MKNK1: variants seen among roughly 807,000 people sequenced by gnomAD.
MKNK1 encodes the protein MAP kinase-interacting serine/threonine-protein kinase 1.
In MKNK1, 30 loss-of-function variants were observed where a neutral mutation model predicts 49.3. The observed-to-expected ratio is 0.61, with a 90% CI of 0.46 to 0.83. MKNK1 has a LOEUF of 0.83. MKNK1 is among the 40% of genes least tolerant of loss of function. The pLI is 0.00. For synonymous variants in MKNK1, 176 were observed against 201.7 expected (o/e 0.87, Z 1.08); for missense variants, 423 against 524.7 (o/e 0.81, Z 1.89).
At chr1:46,591,502 CA>C (rs1673326892) in intron 2 of MKNK1, among the ~76,000 whole-genome samples, 1 of 152,174 alleles carries the variant, frequency 6.6e-6, no homozygotes, top group African/African-American at 2.4e-5. Flanking sequence ...GTGGAAGGAA[CA>C]AGAGGAAGGA....
rs774888396 is a variant in MKNK1 at position 46,572,022 on chromosome 1, G to T, written c.457+41C>A. The T allele has an allele frequency of 6.3e-6, 10 of 1,587,066 alleles. No homozygotes were observed. The East Asian group carries it at 2.2e-4, about 36-fold the overall frequency. ...CCACCTCCCTTGGTACCCAGAGGCT[G>T]GCCAGCCCAACCCACCCACCAAGGC... On this transcript the variant is annotated intron_variant, in intron 7 of 12. Transcript: ENST00000371945.
At chr1:46,567,574 C>T (rs890098280) in intron 8 of MKNK1, among the ~76,000 whole-genome samples, 5 of 152,148 alleles carry the variant, frequency 3.3e-5, no homozygotes, top group Non-Finnish European at 5.9e-5. Context: ...CTTATTTGAG[C>T]GAATCCATTA....
chr1:46,580,448 G>T, intron 4 of MKNK1, 82 bp downstream of exon 4: 1 of 973,314 alleles, frequency 1.0e-6, no homozygotes, highest in South Asian at 1.3e-5. Context: ...CATTCTTATG[G>T]AATATAACAT....
intron 1 of MKNK1, among the ~76,000 whole-genome samples, chr1:46,597,714 C>T (rs1281099660): frequency 6.6e-6 from 1 of 152,248 alleles, no homozygotes; most frequent in African/African-American, 2.4e-5. Flanking sequence ...GAGACTATGT[C>T]TCCTTCATCT....
In MKNK1 at chr1:46,558,769, C is replaced by T. The variant is rs774831453; in HGVS notation, c.1045G>A (p.Ala349Thr). ...CGGTTAAGGGCGATGGCCTCAGCTG[C>T]GAAGAGCGTCAGGTCCATTGTGCTG... The part of the protein sequence containing the change: ...NSSTMDLTLF[A>T]AEAIALNRQL... Residue 349 changes from alanine to threonine, a missense_variant, in exon 13 of 13, where the codon GCA (alanine) becomes ACA (threonine). Coordinates refer to ENST00000371945, the MANE Select transcript of MKNK1 (RefSeq NM_001135553.4). The T allele has an allele frequency of 5.6e-6, 9 of 1,614,074 alleles. No homozygotes were observed. Among genetic ancestry groups the T allele is most frequent in the Middle Eastern group, 1.6e-4 (1 of 6,062 alleles).
chr1:46,594,001 T>C (rs1673716374), intron 2 of MKNK1, 112 bp downstream of exon 2: 1 of 754,686 alleles, frequency 1.3e-6, no homozygotes, highest in Non-Finnish European at 2.3e-6. Flanking sequence ...CCTAGCTAAC[T>C]AACTAAGTGC....
intron 11 of MKNK1, among the ~76,000 whole-genome samples, chr1:46,561,224 G>A (rs1482617056): frequency 1.3e-5 from 2 of 152,230 alleles, no homozygotes; most frequent in African/African-American, 2.4e-5. Context: ...CTGGGTGCAT[G>A]TACCAAATCC....
chr1:46,584,479 G>T (rs1048179689), intron 2 of MKNK1: 1 of 151,370 alleles, frequency 6.6e-6, no homozygotes, highest in African/African-American at 2.4e-5. Flanking sequence ...ACAGGCTCTT[G>T]GTTGTTGGTG....
intron 2 of MKNK1, among the ~76,000 whole-genome samples, chr1:46,592,232 T>A (rs1219700610): frequency 2.0e-5 from 3 of 152,136 alleles, no homozygotes; most frequent in Non-Finnish European, 4.4e-5. Context: ...AAAGTGAGAC[T>A]CTATCTCAAA....
Position 46,568,346 on chromosome 1 carries a change from T to C in MKNK1, c.513+97A>G. 3 of 1,131,848 alleles carry C rather than the reference T, an allele frequency of 2.7e-6. No individual in the cohort carries two copies. In the East Asian group the frequency reaches 7.1e-5, roughly 27 times the overall value. The allele number at this position is 1,131,848 out of a possible 1,614,324, so 70.1% of individuals were successfully genotyped here. ...CCAAGACGATCAGTTCAAGTTGGTG[T>C]CTGAGGCCAACGGAACTGCTAACAA... is the stretch of plus-strand genomic sequence containing the variant. On this transcript the variant is annotated intron_variant, in intron 8 of 12. Coordinates refer to ENST00000371945, the MANE Select transcript of MKNK1 (RefSeq NM_001135553.4).
At position 46,587,295 on chromosome 1, in the gene MKNK1, C is replaced by T. The variant is rs1672711307; in HGVS notation, c.-2-3966G>A. ...CTCTTGGGAACGGCTCGGCGGTCCA[C>T]CACATGTGTCTATTAGTGGAGGTGG... On this transcript the variant is annotated intron_variant, in intron 2 of 12. Transcript: ENST00000371945. Among the ~76,000 whole-genome samples the T allele has an allele frequency of 2.0e-5, 3 of 152,314 alleles. No individual in the cohort carries two copies. The South Asian group carries it at 6.2e-4, about 32-fold the overall frequency.
chr1:46,578,906 C>T (rs1470661575), intron 4 of MKNK1, among the ~76,000 whole-genome samples: 2 of 152,086 alleles, frequency 1.3e-5, no homozygotes, highest in African/African-American at 2.4e-5. Context: ...CAGGAATGCA[C>T]CACACCCGGC....
intron 8 of MKNK1, chr1:46,565,530 A>C (rs1668910178): frequency 5.0e-6 from 1 of 201,342 alleles, no homozygotes; most frequent in Admixed American, 5.4e-5. Context: ...TTGCAGTAAA[A>C]CCTCTGACCG....
chr1:46,580,407 T>C lies in MKNK1; in HGVS notation c.198+123A>G, dbSNP rs540540643. 401 of 722,730 alleles carry C rather than the reference T, an allele frequency of 5.5e-4. 5 individuals carry two copies. Among genetic ancestry groups the C allele is most frequent in the Middle Eastern group, 1.8e-3 (5 of 2,768 alleles). 44.8% of individuals were successfully genotyped at this position (722,730 alleles called of 1,614,324 possible). A position where few individuals can be genotyped will look rare whatever the true frequency, so the allele number is the denominator to read the frequency against. ...ACACAGTAAGTAGAGAAACCAAGATTTGAATCCAGTGAATACAGCTTCAGA... is the reference window on the plus strand; with the variant it reads ...ACACAGTAAGTAGAGAAACCAAGATCTGAATCCAGTGAATACAGCTTCAGA... On this transcript the variant is annotated intron_variant, in intron 4 of 12. Coordinates refer to ENST00000371945, the MANE Select transcript of MKNK1 (RefSeq NM_001135553.4).
intron 9 of MKNK1, 146 bp from the exon 10 acceptor site, chr1:46,562,989 G>T: frequency 1.5e-6 from 1 of 650,240 alleles, no homozygotes; most frequent in Non-Finnish European, 2.5e-6. Context: ...GCCAGCCAGT[G>T]AGCCGCCTGA....
intron 9 of MKNK1, 196 bp from the exon 10 acceptor site, chr1:46,563,039 C>T: frequency 1.8e-6 from 1 of 553,382 alleles, no homozygotes; most frequent in South Asian, 2.5e-5. Flanking sequence ...CATCATTTTC[C>T]ATCATCCAGA....
At chr1:46,596,857 G>C (rs898156983) in intron 1 of MKNK1, among the ~76,000 whole-genome samples, 1 of 152,186 alleles carries the variant, frequency 6.6e-6, no homozygotes, top group African/African-American at 2.4e-5. Flanking sequence ...TTGGCCGCAG[G>C]AGGGAATAAA....
intron 2 of MKNK1, chr1:46,585,616 A>G: frequency 2.9e-6 from 1 of 340,878 alleles, no homozygotes. Flanking sequence ...CCACACTTTG[A>G]TGGAGGGCCC....
chr1:46,564,943 C>A, intron 9 of MKNK1, 98 bp downstream of exon 9: 1 of 1,148,530 alleles, frequency 8.7e-7, no homozygotes, highest in Non-Finnish European at 1.3e-6. Flanking sequence ...AAGATAGGTC[C>A]ACTTGGTTTT....
Sources: allele counts gnomAD v4.1 joint callset (sites outside exome capture counted in the v4.1 genomes callset), GRCh38; gene constraint gnomAD v4.1.1; transcripts MANE v1.5; gene names NCBI Gene and HGNC (gene_info 2026-07-23, HGNC 2026-07-21).